RERE: variants seen among roughly 807,000 people sequenced by gnomAD.
RERE encodes arginine-glutamic acid dipeptide repeats protein.
RERE carries 40 observed loss-of-function variants against 146.1 expected under a neutral mutation model. The ratio of observed to expected loss-of-function variants is 0.27; its 90% confidence interval spans 0.21 to 0.36. RERE has a LOEUF of 0.36. RERE is among the 10% of genes least tolerant of loss of function. The pLI, the probability that RERE is intolerant of heterozygous loss-of-function variation, is 1.00. For missense variants in RERE, 1,933 were observed against 2,138.7 expected, an observed-to-expected ratio of 0.90 and a Z score of 1.90; for synonymous variants, 1,003 against 866.0, an observed-to-expected ratio of 1.16 and a Z score of -2.78.
At position 8,735,431 on chromosome 1, in the gene RERE, T is replaced by C. The variant is rs1166758859; in HGVS notation, c.-144-78990A>G. 2.6e-5 allele frequency among the ~76,000 whole-genome samples: 4 copies of C among 152,214 alleles called. No homozygotes were observed. In the East Asian group the frequency reaches 7.7e-4, roughly 29 times the overall value. On this transcript the variant is annotated intron_variant, in intron 1 of 22. Transcript: ENST00000400908. ...CAGCATGCACACACATATATGTACATCTCTTTGTTACACAAATAGTAGTAT... is the reference window on the plus strand; with the variant it reads ...CAGCATGCACACACATATATGTACACCTCTTTGTTACACAAATAGTAGTAT...
intron 1 of RERE, among the ~76,000 whole-genome samples, chr1:8,703,988 C>T (rs371574406): frequency 2.6e-5 from 4 of 152,194 alleles, no homozygotes; most frequent in East Asian, 1.9e-4. Context: ...ATCTGTTAGA[C>T]AAGACATAGC....
intron 12 of RERE, among the ~76,000 whole-genome samples, chr1:8,384,139 C>T (rs1339278441): frequency 6.6e-6 from 1 of 152,138 alleles, no homozygotes; most frequent in African/African-American, 2.4e-5. Context: ...CCAAAGCCTC[C>T]TTGGGTCCAC....
chr1:8,480,161 A>T (rs1271017704), intron 10 of RERE, among the ~76,000 whole-genome samples: 1 of 133,182 alleles, frequency 7.5e-6, no homozygotes. Flanking sequence ...TTTTTTTGAG[A>T]CACAGTCTCG....
chr1:8,801,102 T>C (rs2124590449), intron 1 of RERE, among the ~76,000 whole-genome samples: 1 of 152,032 alleles, frequency 6.6e-6, no homozygotes, highest in Middle Eastern at 3.4e-3. Flanking sequence ...CTACAAAAAA[T>C]ACACAAATTA....
At chr1:8,569,220 C>A (rs1227077567) in intron 4 of RERE, among the ~76,000 whole-genome samples, 1 of 145,326 alleles carries the variant, frequency 6.9e-6, no homozygotes, top group Non-Finnish European at 1.5e-5. Context: ...TTAATCCCTA[C>A]TAAAGCTTTA....
chr1:8,750,378 C>T, intron 1 of RERE: 1 of 661,516 alleles, frequency 1.5e-6, no homozygotes, highest in Non-Finnish European at 2.7e-6. Context: ...CTGTGAGTGT[C>T]ACAAACCCAG....
chr1:8,757,496 T>C (rs1035609078), intron 1 of RERE, among the ~76,000 whole-genome samples: 2 of 152,164 alleles, frequency 1.3e-5, no homozygotes, highest in African/African-American at 4.8e-5. Context: ...ATTTACATAA[T>C]TTCCCATAAA....
chr1:8,797,467 G>A (rs149659052), intron 1 of RERE, among the ~76,000 whole-genome samples: 10 of 151,862 alleles, frequency 6.6e-5, no homozygotes, highest in Non-Finnish European at 8.8e-5. Flanking sequence ...TCATCTTAGC[G>A]TAAACACACA....
intron 4 of RERE, among the ~76,000 whole-genome samples, chr1:8,603,231 C>T (rs1303863985): frequency 1.3e-5 from 2 of 152,248 alleles, no homozygotes; most frequent in African/African-American, 2.4e-5. Context: ...AGTAGTACTA[C>T]CATAATTATC....
intron 1 of RERE, among the ~76,000 whole-genome samples, chr1:8,783,265 G>T (rs183142118): frequency 6.6e-6 from 1 of 152,098 alleles, no homozygotes; most frequent in Non-Finnish European, 1.5e-5. Context: ...AGCCAGGGAG[G>T]TCAAGGCTGC....
At chr1:8,795,512 A>C (rs567775581) in intron 1 of RERE, among the ~76,000 whole-genome samples, 1 of 152,174 alleles carries the variant, frequency 6.6e-6, no homozygotes, top group African/African-American at 2.4e-5. Context: ...ATTTCAGTTT[A>C]TGTACTACTG....
chr1:8,552,064 A>G (rs1175437590), intron 6 of RERE, among the ~76,000 whole-genome samples: 4 of 152,372 alleles, frequency 2.6e-5, no homozygotes, highest in African/African-American at 9.6e-5. Flanking sequence ...ACTAACAGCA[A>G]TGCAGTAATG....
At chr1:8,447,082 G>A (rs1050664980) in intron 11 of RERE, among the ~76,000 whole-genome samples, 2 of 149,872 alleles carry the variant, frequency 1.3e-5, no homozygotes, top group South Asian at 4.2e-4. Flanking sequence ...TGATCAATTC[G>A]GCTATTGATA....
chr1:8,419,180 C>A (rs561402790), intron 12 of RERE, among the ~76,000 whole-genome samples: 1 of 152,100 alleles, frequency 6.6e-6, no homozygotes, highest in South Asian at 2.1e-4. Flanking sequence ...ATTTGCACAA[C>A]CATGACACTA....
intron 1 of RERE, among the ~76,000 whole-genome samples, chr1:8,757,796 T>C (rs749060729): frequency 2.0e-5 from 3 of 152,094 alleles, no homozygotes; most frequent in African/African-American, 4.8e-5. Context: ...TTACTATCCA[T>C]ATAAGGACGC....
intron 12 of RERE, among the ~76,000 whole-genome samples, chr1:8,421,640 G>T (rs1393413623): frequency 6.6e-6 from 1 of 152,052 alleles, no homozygotes; most frequent in African/African-American, 2.4e-5. Flanking sequence ...GTACTATACA[G>T]TAAGTGTCCA....
At chr1:8,523,205 A>C (rs12123450) in intron 7 of RERE, among the ~76,000 whole-genome samples, 1 of 152,192 alleles carries the variant, frequency 6.6e-6, no homozygotes, top group East Asian at 1.9e-4. Context: ...AAAAAGAAAA[A>C]GAAAAAAAAG....
chr1:8,476,340 G>C (rs1325360885), intron 10 of RERE, among the ~76,000 whole-genome samples: 1 of 152,200 alleles, frequency 6.6e-6, no homozygotes, highest in Non-Finnish European at 1.5e-5. Flanking sequence ...CCCTACCCTA[G>C]AATGTTGCTA....
chr1:8,764,510 T>C (rs1467863405), intron 1 of RERE, among the ~76,000 whole-genome samples: 2 of 152,162 alleles, frequency 1.3e-5, no homozygotes, highest in African/African-American at 4.8e-5. Flanking sequence ...CTATGCTTAG[T>C]GTGGTCAGAA....
Sources: allele counts gnomAD v4.1 joint callset (sites outside exome capture counted in the v4.1 genomes callset), GRCh38; gene constraint gnomAD v4.1.1; transcripts MANE v1.5; gene names NCBI Gene and HGNC (gene_info 2026-07-23, HGNC 2026-07-21).